Variants in CHN2 observed in about 807,000 individuals in gnomAD.
CHN2 encodes the protein chimerin 2.
CHN2 carries 35 observed loss-of-function variants against 56.3 expected under a neutral mutation model. The ratio of observed to expected loss-of-function variants is 0.62; its 90% CI spans 0.47 to 0.82. The LOEUF (loss-of-function observed/expected upper bound fraction) is 0.82. Among genes scored for constraint, CHN2 ranks in the 40% least tolerant of loss-of-function variants. The pLI, the probability that CHN2 is intolerant of heterozygous loss-of-function variation, is 0.00. For synonymous variants in CHN2, 210 were observed against 212.8 expected (o/e 0.99, Z 0.12); for missense variants, 491 against 580.5 (o/e 0.85, Z 1.58).
At chr7:29,511,763 AC>A (rs1791449024) in intron 12 of CHN2, among the ~76,000 whole-genome samples, 1 of 152,044 alleles carries the variant, frequency 6.6e-6, no homozygotes, top group Non-Finnish European at 1.5e-5. Flanking sequence ...TTTTTGGAGA[AC>A]CCATTCCCTT....
At chr7:29,461,560 A>C (rs1388882072) in intron 6 of CHN2, among the ~76,000 whole-genome samples, 1 of 152,242 alleles carries the variant, frequency 6.6e-6, no homozygotes, top group African/African-American at 2.4e-5. Flanking sequence ...AAAGACTAAA[A>C]AATAGGCCTA....
intron 1 of CHN2, among the ~76,000 whole-genome samples, chr7:29,220,813 A>T (rs1216572392): frequency 6.6e-6 from 1 of 152,162 alleles, no homozygotes; most frequent in Non-Finnish European, 1.5e-5. Flanking sequence ...AATCAGCCTA[A>T]CCTAAGTCTG....
intron 6 of CHN2, among the ~76,000 whole-genome samples, chr7:29,402,814 G>C (rs1184868909): frequency 1.3e-5 from 2 of 152,124 alleles, no homozygotes. Context: ...GATATTTCTG[G>C]ACAATATTCC....
intron 1 of CHN2, among the ~76,000 whole-genome samples, chr7:29,201,976 A>C: frequency 6.6e-6 from 1 of 152,212 alleles, no homozygotes. Context: ...GGGTAATTGA[A>C]AATGTTTATA....
chr7:29,464,889 C>G (rs909287680), intron 6 of CHN2, among the ~76,000 whole-genome samples: 6 of 152,310 alleles, frequency 3.9e-5, no homozygotes, highest in Admixed American at 2.0e-4. Flanking sequence ...GCTGTTGTTT[C>G]CCACATTCTC....
chr7:29,414,828 C>G (rs1476357863), intron 6 of CHN2, among the ~76,000 whole-genome samples: 1 of 152,108 alleles, frequency 6.6e-6, no homozygotes, highest in African/African-American at 2.4e-5. Flanking sequence ...TTTGCAATGT[C>G]CCTCCCCATT....
intron 2 of CHN2, among the ~76,000 whole-genome samples, chr7:29,189,078 G>A (rs1368352340): frequency 1.3e-5 from 2 of 151,490 alleles, no homozygotes; most frequent in African/African-American, 4.9e-5. Context: ...AGCCTCCCGA[G>A]TAGCTGACAT....
chr7:29,360,839 C>T (rs1220085639), intron 2 of CHN2, among the ~76,000 whole-genome samples: 1 of 152,248 alleles, frequency 6.6e-6, no homozygotes, highest in African/African-American at 2.4e-5. Context: ...TGTGGGCTTT[C>T]ACCCATTAGC....
intron 8 of CHN2, among the ~76,000 whole-genome samples, chr7:29,497,564 T>C (rs1046126771): frequency 6.6e-6 from 1 of 152,108 alleles, no homozygotes; most frequent in African/African-American, 2.4e-5. Context: ...TTTGGCCTTA[T>C]ATTTCCTCTT....
At chr7:29,510,467 T>TTGA (rs762225412) in intron 12 of CHN2, among the ~76,000 whole-genome samples, 1 of 152,176 alleles carries the variant, frequency 6.6e-6, no homozygotes, top group Non-Finnish European at 1.5e-5. Flanking sequence ...TCCTGAAGGC[T>TTGA]TGATGGTGGT....
rs114969369 is a variant in CHN2 at position 29,173,314 on chromosome 7, G to C, written c.274+26354G>C. Among the ~76,000 whole-genome samples the C allele has an allele frequency of 6.5e-3, 989 of 152,132 alleles. 8 individuals are homozygous for C. Among genetic ancestry groups the C allele is most frequent in the African/African-American group, 0.019 (801 of 41,484 alleles). ...GCATCTGCCAGGTGCTGGTAGCCTC[G>C]AGTGGGGGCCTAACTTTCTGCAGCC... On this transcript the variant is annotated intron_variant, in intron 2 of 6. Transcript: ENST00000439384.
intron 1 of CHN2, among the ~76,000 whole-genome samples, chr7:29,224,779 T>C (rs1308234662): frequency 1.3e-5 from 2 of 152,234 alleles, no homozygotes; most frequent in African/African-American, 4.8e-5. Flanking sequence ...TGTTATATTT[T>C]TTCATATGTT....
In CHN2 at chr7:29,404,929, G is replaced by A. The variant is rs565211131; in HGVS notation, c.576+4101G>A. ...TAAATATCCCTTGAAGGATGCAAGA[G>A]CCAGTATCACTGATTGCCTTTGAAG... is the stretch of plus-strand genomic sequence containing the variant. On this transcript the variant is annotated intron_variant, in intron 6 of 12. Transcript: ENST00000222792. Among the ~76,000 whole-genome samples the A allele has an allele frequency of 5.3e-5, 8 of 152,066 alleles. No individual in the cohort carries two copies. In the East Asian group the frequency reaches 1.2e-3, roughly 22 times the overall value.
intron 3 of CHN2, among the ~76,000 whole-genome samples, chr7:29,381,005 A>T (rs1034715): frequency 0.22 from 33,817 of 152,162 alleles, 4,546 homozygotes; most frequent in East Asian, 0.52. Flanking sequence ...TCTCATTTGC[A>T]CTGAAGACCA....
intron 7 of CHN2, among the ~76,000 whole-genome samples, chr7:29,486,000 C>G (rs996183583): frequency 6.6e-6 from 1 of 152,008 alleles, no homozygotes; most frequent in African/African-American, 2.4e-5. Flanking sequence ...ACTGTGTGTT[C>G]CCCACTCCCT....
chr7:29,491,404 T>C (rs1401052267), intron 7 of CHN2, among the ~76,000 whole-genome samples: 3 of 145,886 alleles, frequency 2.1e-5, no homozygotes, highest in South Asian at 2.1e-4. Context: ...TTTTCCCTTA[T>C]GTATTTGTGT....
intron 1 of CHN2, among the ~76,000 whole-genome samples, chr7:29,329,376 C>CAAAAAAA (rs10667833): frequency 2.1e-4 from 8 of 37,252 alleles, no homozygotes; most frequent in South Asian, 1.7e-3. Flanking sequence ...TCAGATAAGG[C>CAAAAAAA]AAAAAAAAAA....
chr7:29,233,279 C>T (rs995472836), intron 1 of CHN2, among the ~76,000 whole-genome samples: 9 of 152,184 alleles, frequency 5.9e-5, no homozygotes, highest in Admixed American at 2.0e-4. Flanking sequence ...TGTAATATGC[C>T]TAGAATGGAG....
chr7:29,435,200 T>A (rs1783132313), intron 6 of CHN2, among the ~76,000 whole-genome samples: 1 of 152,220 alleles, frequency 6.6e-6, no homozygotes, highest in South Asian at 2.1e-4. Flanking sequence ...AATTATTTTT[T>A]AAGAGCCAAA....
Sources: allele counts gnomAD v4.1 joint callset (sites outside exome capture counted in the v4.1 genomes callset), GRCh38; gene constraint gnomAD v4.1.1; transcripts MANE v1.5; gene names NCBI Gene and HGNC (gene_info 2026-07-23, HGNC 2026-07-21).